The following TMEM182 variants were observed in gnomAD, a reference collection of about 807,000 sequenced individuals.
The protein encoded by TMEM182 is transmembrane protein 182.
Under a neutral mutation model 26.8 loss-of-function variants are expected in TMEM182, and 20 were observed. The observed-to-expected ratio is 0.75, with a 90% confidence interval of 0.53 to 1.09. The LOEUF (loss-of-function observed/expected upper bound fraction) is 1.09, where lower values mean the gene tolerates loss of function less well. TMEM182 is among the 50% of genes least tolerant of loss of function. TMEM182 has a pLI of 0.00. For synonymous variants in TMEM182, 109 were observed against 102.2 expected (o/e 1.07, Z -0.40); for missense variants, 277 against 275.5 (o/e 1.01, Z -0.04).
intron 3 of TMEM182, among the ~76,000 whole-genome samples, chr2:102,771,732 C>T (rs1573513754): frequency 6.6e-6 from 1 of 152,250 alleles, no homozygotes; most frequent in East Asian, 1.9e-4. Context: ...CAGAAATCTC[C>T]TCTCACGCTA....
chr2:102,754,375 A>G (rs1217349846), intron 1 of TMEM182, among the ~76,000 whole-genome samples: 1 of 152,210 alleles, frequency 6.6e-6, no homozygotes, highest in Non-Finnish European at 1.5e-5. Context: ...GTATGGCCTC[A>G]TGTTGGTCAG....
intron 3 of TMEM182, among the ~76,000 whole-genome samples, chr2:102,787,267 C>G (rs2104707597): frequency 6.6e-6 from 1 of 152,204 alleles, no homozygotes; most frequent in East Asian, 1.9e-4. Flanking sequence ...TCTCATCACT[C>G]TGAAGGTGTG....
chr2:102,775,707 C>A (rs1483892603), intron 3 of TMEM182, among the ~76,000 whole-genome samples: 3 of 152,146 alleles, frequency 2.0e-5, no homozygotes, highest in Non-Finnish European at 4.4e-5. Context: ...GATACAAAAT[C>A]AATGTACAAA....
chr2:102,832,987 A>T (rs1211021520), intron 3 of TMEM182, among the ~76,000 whole-genome samples: 1 of 152,172 alleles, frequency 6.6e-6, no homozygotes, highest in African/African-American at 2.4e-5. Flanking sequence ...TTTGAAATAC[A>T]TCCCGGAGCT....
chr2:102,749,513 G>T (rs1051287698), intron 1 of TMEM182, among the ~76,000 whole-genome samples: 4 of 152,068 alleles, frequency 2.6e-5, no homozygotes, highest in Non-Finnish European at 5.9e-5. Context: ...TTATGGTGAT[G>T]GCCACGAAAC....
chr2:102,818,286 A>T (rs566192341), downstream of TMEM182, among the ~76,000 whole-genome samples: 1 of 152,316 alleles, frequency 6.6e-6, no homozygotes, highest in East Asian at 1.9e-4. Context: ...TAGGTGGGGA[A>T]ATTCCAATAA....
At chr2:102,790,608 A>G (rs75726273) in intron 3 of TMEM182, among the ~76,000 whole-genome samples, 2,523 of 152,214 alleles carry the variant, frequency 0.017, 73 homozygotes, top group African/African-American at 0.058. Context: ...TTAATAGTCA[A>G]CTTTACTTCA....
intron 3 of TMEM182, among the ~76,000 whole-genome samples, chr2:102,792,033 T>C (rs1168288253): frequency 2.9e-5 from 3 of 104,102 alleles, no homozygotes; most frequent in Admixed American, 1.1e-4. Flanking sequence ...TAATTTTATA[T>C]GTGTGTATAC....
In TMEM182 at chr2:102,755,242, G is replaced by A. The variant is rs1679996404; in HGVS notation, c.-82-3147G>A. 2.0e-5 allele frequency among the ~76,000 whole-genome samples: 3 copies of A among 152,214 alleles called. No individual in the cohort carries two copies. The South Asian group carries it at 6.2e-4, about 32-fold the overall frequency. On this transcript the variant is annotated intron_variant, in intron 1 of 5. Coordinates refer to the TMEM182 transcript ENST00000409173. ...TGAAAGAACCATACCAGTGTTCTTA[G>A]CCAGGCACGTTATTCCTTCAGATAT...
intron 4 of TMEM182, among the ~76,000 whole-genome samples, chr2:102,804,086 G>T (rs1406260483): frequency 6.6e-6 from 1 of 152,232 alleles, no homozygotes; most frequent in Non-Finnish European, 1.5e-5. Flanking sequence ...GCTGGCCAAG[G>T]TGTGGCTACA....
At chr2:102,832,750 C>G (rs541236179) in intron 3 of TMEM182, among the ~76,000 whole-genome samples, 1 of 152,306 alleles carries the variant, frequency 6.6e-6, no homozygotes, top group East Asian at 1.9e-4. Flanking sequence ...TTTCAGAAAG[C>G]TATTCAGTGA....
chr2:102,739,270 G>A (rs1679478336), intron 1 of TMEM182, among the ~76,000 whole-genome samples: 1 of 152,128 alleles, frequency 6.6e-6, no homozygotes, highest in African/African-American at 2.4e-5. Flanking sequence ...TTTGACTATG[G>A]CTAATTGATT....
chr2:102,788,870 C>T (rs950802049), intron 3 of TMEM182, among the ~76,000 whole-genome samples: 2 of 152,138 alleles, frequency 1.3e-5, no homozygotes, highest in East Asian at 1.9e-4. Context: ...CAATGGGCCA[C>T]GCTGAGCACT....
intron 4 of TMEM182, among the ~76,000 whole-genome samples, chr2:102,810,063 C>A (rs80003606): frequency 6.6e-6 from 1 of 151,862 alleles, no homozygotes; most frequent in African/African-American, 2.4e-5. Context: ...TAAAGGCAGT[C>A]GAGTTACATC....
intron 3 of TMEM182, among the ~76,000 whole-genome samples, chr2:102,825,992 C>T (rs1260866710): frequency 6.6e-6 from 1 of 152,174 alleles, no homozygotes; most frequent in East Asian, 1.9e-4. Context: ...GGAACAATTG[C>T]TTGAGGCTAC....
downstream of TMEM182, among the ~76,000 whole-genome samples, chr2:102,818,752 A>ATCTATCTG (rs1553444815): frequency 7.1e-6 from 1 of 140,482 alleles, no homozygotes; most frequent in Non-Finnish European, 1.6e-5. Context: ...AATCCTATCT[A>ATCTATCTG]TCTATCTATC....
At chr2:102,767,317 G>C (rs1167779029) in intron 3 of TMEM182, among the ~76,000 whole-genome samples, 1 of 152,140 alleles carries the variant, frequency 6.6e-6, no homozygotes, top group African/African-American at 2.4e-5. Flanking sequence ...GCCAGGCCTG[G>C]TGAGGGTGGT....
chr2:102,815,147 C>A lies in TMEM182; in HGVS notation c.*179C>A. 7.0e-7 allele frequency: 1 copy of A among 1,419,600 alleles called. No homozygotes were observed. Among genetic ancestry groups the A allele is most frequent in the Non-Finnish European group, 9.1e-7 (1 of 1,093,572 alleles). 87.9% of individuals were successfully genotyped at this position (1,419,600 alleles called of 1,614,324 possible). ...AAGGTCCTAGAATCTCTCCAGACAC[C>A]AGCAAGCCTCTATCTTGTCTAAGTG... On this transcript the variant is annotated 3_prime_UTR_variant, in exon 5 of 5. Coordinates refer to ENST00000412401, the MANE Select transcript of TMEM182 (RefSeq NM_144632.5).
At chr2:102,790,689 C>T (rs1238176718) in intron 3 of TMEM182, among the ~76,000 whole-genome samples, 1 of 152,154 alleles carries the variant, frequency 6.6e-6, no homozygotes, top group Non-Finnish European at 1.5e-5. Flanking sequence ...ACAGACATTT[C>T]CCTGTACTGC....
Sources: gnomAD v4.1 joint callset for allele counts (sites outside exome capture counted in the v4.1 genomes callset) on GRCh38, gnomAD v4.1.1 for gene constraint, MANE v1.5 for transcripts, NCBI Gene and HGNC (gene_info 2026-07-23, HGNC 2026-07-21) for gene names.